CMSS1: variants seen among roughly 807,000 people sequenced by gnomAD.
CMSS1 encodes the protein protein CMSS1.
Under a neutral mutation model 43.5 loss-of-function variants are expected in CMSS1, and 33 were observed. The ratio of observed to expected loss-of-function variants is 0.76; its 90% CI spans 0.57 to 1.01. The LOEUF (loss-of-function observed/expected upper bound fraction) is 1.01. Among genes scored for constraint, CMSS1 ranks in the 50% least tolerant of loss-of-function variants. The probability of loss-of-function intolerance (pLI) is 0.00; values close to 1 mark genes in which losing one functional copy is unlikely to be tolerated. For synonymous variants in CMSS1, 115 were observed against 117.2 expected, an observed-to-expected ratio of 0.98 and a Z score of 0.12; for missense variants, 313 against 326.4, an observed-to-expected ratio of 0.96 and a Z score of 0.32.
chr3:99,948,599 A>G (rs1454428570), intron 1 of CMSS1, among the ~76,000 whole-genome samples: 6 of 135,416 alleles, frequency 4.4e-5, no homozygotes, highest in Non-Finnish European at 9.4e-5. Flanking sequence ...AGAGAGAAAG[A>G]GAGGGGAGGG....
chr3:100,133,322 G>A (rs187681878), intron 1 of CMSS1, among the ~76,000 whole-genome samples: 1 of 152,098 alleles, frequency 6.6e-6, no homozygotes, highest in East Asian at 1.9e-4. Context: ...CATAATTCCA[G>A]ACATGTAAAG....
intron 1 of CMSS1, among the ~76,000 whole-genome samples, chr3:99,935,331 T>C (rs1707629034): frequency 6.6e-6 from 1 of 151,680 alleles, no homozygotes; most frequent in African/African-American, 2.4e-5. Flanking sequence ...CTTCATGAAG[T>C]GCTGACCTAG....
chr3:99,924,225 C>G, intron 1 of CMSS1: 1 of 1,612,196 alleles, frequency 6.2e-7, no homozygotes, highest in Non-Finnish European at 8.5e-7. Flanking sequence ...CCAAAGCAGC[C>G]TTACCTTTCA....
intron 1 of CMSS1, among the ~76,000 whole-genome samples, chr3:99,939,962 T>C (rs1469651969): frequency 6.6e-6 from 1 of 152,248 alleles, no homozygotes; most frequent in African/African-American, 2.4e-5. Context: ...GTTTCTTGTT[T>C]TCTACGTGCT....
At chr3:99,952,740 A>G (rs182635766) in intron 1 of CMSS1, among the ~76,000 whole-genome samples, 60 of 152,320 alleles carry the variant, frequency 3.9e-4, no homozygotes, top group African/African-American at 1.4e-3. Flanking sequence ...GAAGAAGGGA[A>G]AAAACAGAAA....
At position 100,125,206 on chromosome 3, in the gene CMSS1, T is replaced by C. The variant is rs375118236; in HGVS notation, c.65-21767T>C. On this transcript the variant is annotated intron_variant, in intron 1 of 9. Coordinates refer to ENST00000421999, the MANE Select transcript of CMSS1 (RefSeq NM_032359.4). ...TCCCATAGGGAGGGTGGTTTTGTTA[T>C]CATGTTACTCTAGTGCTTCTCATGA... Among the ~76,000 whole-genome samples, 190 of 152,330 alleles carry C rather than the reference T, an allele frequency of 1.2e-3. 2 individuals are homozygous for C. The highest frequency in any genetic ancestry group is 4.3e-3 in the African/African-American group (178 of 41,578).
intron 1 of CMSS1, among the ~76,000 whole-genome samples, chr3:100,015,890 C>T (rs1271487155): frequency 6.6e-6 from 1 of 152,116 alleles, no homozygotes; most frequent in Non-Finnish European, 1.5e-5. Context: ...GTGGAGAACC[C>T]AAAAATTGTT....
At chr3:100,062,146 C>G (rs1450804749) in intron 1 of CMSS1, among the ~76,000 whole-genome samples, 2 of 102,406 alleles carry the variant, frequency 2.0e-5, no homozygotes. Flanking sequence ...GAGTGTTGCT[C>G]TGTCCCCCAG....
intron 1 of CMSS1, among the ~76,000 whole-genome samples, chr3:100,053,132 TG>T (rs2065401876): frequency 1.3e-5 from 2 of 152,298 alleles, no homozygotes; most frequent in South Asian, 4.1e-4. Flanking sequence ...TGCTCCAATT[TG>T]GGGCATAGTT....
chr3:100,073,469 G>A (rs906632812), intron 1 of CMSS1, among the ~76,000 whole-genome samples: 1 of 152,120 alleles, frequency 6.6e-6, no homozygotes, highest in Admixed American at 6.5e-5. Context: ...AAAAGACTGG[G>A]GTAGAGGAGA....
intron 1 of CMSS1, among the ~76,000 whole-genome samples, chr3:100,117,163 A>G (rs1465838972): frequency 1.3e-5 from 2 of 152,200 alleles, no homozygotes; most frequent in Non-Finnish European, 2.9e-5. Context: ...TTGTGAACCT[A>G]TAATCTAGTG....
At chr3:100,170,398 T>C (rs1433056238) in intron 6 of CMSS1, among the ~76,000 whole-genome samples, 1 of 151,932 alleles carries the variant, frequency 6.6e-6, no homozygotes, top group African/African-American at 2.4e-5. Flanking sequence ...AACAGAAAAT[T>C]AGGTGAAGCG....
chr3:99,830,617 CAA>C lies in CMSS1; in HGVS notation c.64+12575_64+12576del, dbSNP rs1161092314. The stretch of plus-strand genomic sequence containing the variant: ...CATACCTCCTTGATCTTGAATTAAA[CAA>C]GAGAACAAAAGGTAATTAATGGTAC... On this transcript the variant is annotated intron_variant, in intron 1 of 9. Coordinates refer to ENST00000421999, the MANE Select transcript of CMSS1 (RefSeq NM_032359.4). 12 of 456,240 alleles carry C rather than the reference CAA, an allele frequency of 2.6e-5. 1 individual carries two copies. Among genetic ancestry groups the C allele is most frequent in the South Asian group, 1.9e-4 (12 of 64,550 alleles). The allele number at this position is 456,240 out of a possible 1,614,324, so 28.3% of individuals were successfully genotyped here. A position where few individuals can be genotyped will look rare whatever the true frequency, so the allele number is the denominator to read the frequency against.
intron 1 of CMSS1, among the ~76,000 whole-genome samples, chr3:99,857,659 A>T (rs958273622): frequency 6.6e-6 from 1 of 152,216 alleles, no homozygotes; most frequent in Admixed American, 6.5e-5. Flanking sequence ...TGCTTGGTCC[A>T]TAGAAATAAA....
At chr3:99,964,777 G>T (rs1252943729) in intron 1 of CMSS1, among the ~76,000 whole-genome samples, 1 of 152,120 alleles carries the variant, frequency 6.6e-6, no homozygotes. Context: ...CTAATGCCCA[G>T]AAACCTCCAG....
At chr3:99,948,553 G>A (rs1468689858) in intron 1 of CMSS1, among the ~76,000 whole-genome samples, 1 of 145,168 alleles carries the variant, frequency 6.9e-6, no homozygotes, top group Non-Finnish European at 1.5e-5. Flanking sequence ...GGGGGAGGGG[G>A]AGAAGAAGGA....
chr3:100,178,145 A>G (rs111357246), intron 9 of CMSS1, among the ~76,000 whole-genome samples, 160 bp from the exon 10 acceptor site: 27 of 152,250 alleles, frequency 1.8e-4, no homozygotes, highest in African/African-American at 6.0e-4. Flanking sequence ...TAATTTTAAA[A>G]ATTTCAACTC....
At chr3:100,112,858 G>A (rs1447476051) in intron 1 of CMSS1, among the ~76,000 whole-genome samples, 1 of 152,204 alleles carries the variant, frequency 6.6e-6, no homozygotes, top group Non-Finnish European at 1.5e-5. Flanking sequence ...TTTCATAATA[G>A]TGTCAACTGA....
intron 1 of CMSS1, among the ~76,000 whole-genome samples, chr3:99,918,202 C>T (rs925137689): frequency 6.6e-6 from 1 of 151,932 alleles, no homozygotes; most frequent in African/African-American, 2.4e-5. Flanking sequence ...GGTCTCGAAC[C>T]CTTGACCTCA....
Sources: allele counts gnomAD v4.1 joint callset (sites outside exome capture counted in the v4.1 genomes callset), GRCh38; gene constraint gnomAD v4.1.1; transcripts MANE v1.5; gene names NCBI Gene and HGNC (gene_info 2026-07-23, HGNC 2026-07-21).